GALNT13: variants seen among roughly 807,000 people sequenced by gnomAD.
GALNT13 encodes polypeptide N-acetylgalactosaminyltransferase 13.
In GALNT13, 28 loss-of-function variants were observed where a neutral mutation model predicts 64.2. That is an observed-to-expected ratio of 0.44 (90% CI 0.32 to 0.60). GALNT13 has a LOEUF of 0.60. GALNT13 is among the 20% of genes least tolerant of loss of function. GALNT13 has a pLI of 0.05. For missense variants in GALNT13, 577 were observed against 669.8 expected (o/e 0.86, Z 1.53); for synonymous variants, 214 against 224.6 (o/e 0.95, Z 0.42).
At chr2:153,783,283 C>A in the GALNT13 span, among the ~76,000 whole-genome samples, 1 of 152,158 alleles carries the variant, frequency 6.6e-6, no homozygotes, top group Admixed American at 6.5e-5. Context: ...GAGGAACCAT[C>A]AGGAAGCCAA....
chr2:153,349,108 A>G, the GALNT13 span, among the ~76,000 whole-genome samples: 2 of 152,200 alleles, frequency 1.3e-5, no homozygotes, highest in African/African-American at 4.8e-5. Context: ...ACTGTCAGGA[A>G]AAAGATGGAG....
At chr2:154,325,919 T>C (rs187210211) in intron 9 of GALNT13, among the ~76,000 whole-genome samples, 5 of 152,246 alleles carry the variant, frequency 3.3e-5, no homozygotes, top group East Asian at 1.9e-4. Context: ...TGGGAACTTA[T>C]TAGACCCACA....
At chr2:153,558,546 C>A in the GALNT13 span, among the ~76,000 whole-genome samples, 5 of 151,862 alleles carry the variant, frequency 3.3e-5, no homozygotes, top group Non-Finnish European at 7.4e-5. Flanking sequence ...GCAAATTGAG[C>A]TTTGCTGTCT....
chr2:154,291,480 C>T (rs936830545), intron 8 of GALNT13, among the ~76,000 whole-genome samples: 1 of 152,222 alleles, frequency 6.6e-6, no homozygotes, highest in Admixed American at 6.5e-5. Context: ...GCTGGCTTCA[C>T]CTCTCAATGG....
chr2:154,374,450 G>A (rs1697866889), intron 9 of GALNT13, among the ~76,000 whole-genome samples: 1 of 152,170 alleles, frequency 6.6e-6, no homozygotes, highest in Non-Finnish European at 1.5e-5. Flanking sequence ...TGAGCTGTTG[G>A]AAGAGTTAGA....
intron 3 of GALNT13, among the ~76,000 whole-genome samples, chr2:154,028,540 A>C (rs1698132605): frequency 6.6e-6 from 1 of 152,088 alleles, no homozygotes; most frequent in Non-Finnish European, 1.5e-5. Flanking sequence ...AATCTCAAAA[A>C]TACTCAGTGA....
intron 9 of GALNT13, among the ~76,000 whole-genome samples, chr2:154,383,322 A>G: frequency 6.6e-6 from 1 of 151,906 alleles, no homozygotes; most frequent in East Asian, 1.9e-4. Context: ...TCATAGTAGC[A>G]CTCAGTAAAA....
chr2:153,295,008 C>T, the GALNT13 span, among the ~76,000 whole-genome samples: 1 of 152,124 alleles, frequency 6.6e-6, no homozygotes, highest in African/African-American at 2.4e-5. Context: ...TTTAAATTTG[C>T]ATCTGAAATT....
At chr2:154,393,660 G>A (rs928459566) in intron 9 of GALNT13, among the ~76,000 whole-genome samples, 6 of 152,174 alleles carry the variant, frequency 3.9e-5, no homozygotes, top group Non-Finnish European at 7.3e-5. Context: ...GAAATGCCAG[G>A]GGGCGGCTTA....
intron 3 of GALNT13, among the ~76,000 whole-genome samples, chr2:154,100,377 T>A (rs1225303114): frequency 6.6e-6 from 1 of 152,174 alleles, no homozygotes; most frequent in Non-Finnish European, 1.5e-5. Context: ...ATCTATGATT[T>A]CTTTCAGCAG....
At chr2:153,923,442 A>G (rs1270224959) in intron 2 of GALNT13, among the ~76,000 whole-genome samples, 47 of 152,156 alleles carry the variant, frequency 3.1e-4, no homozygotes, top group Non-Finnish European at 1.2e-4. Context: ...GAATAAAATC[A>G]TACTCTACCT....
chr2:153,216,729 A>AT, the GALNT13 span, among the ~76,000 whole-genome samples: 1 of 151,910 alleles, frequency 6.6e-6, no homozygotes, highest in South Asian at 2.1e-4. Flanking sequence ...ATTTGTAAAT[A>AT]TTTTTCCAAG....
the GALNT13 span, among the ~76,000 whole-genome samples, chr2:153,858,593 G>C: frequency 1.3e-5 from 2 of 152,092 alleles, no homozygotes; most frequent in African/African-American, 4.8e-5. Flanking sequence ...TTTTATTTCA[G>C]TGTATTGTCA....
chr2:153,255,219 T>G, the GALNT13 span, among the ~76,000 whole-genome samples: 1 of 145,860 alleles, frequency 6.9e-6, no homozygotes, highest in African/African-American at 2.6e-5. Flanking sequence ...TTTACCATTA[T>G]GTAATGGCCT....
At chr2:153,808,443 G>A in the GALNT13 span, among the ~76,000 whole-genome samples, 2 of 152,024 alleles carry the variant, frequency 1.3e-5, no homozygotes, top group African/African-American at 4.8e-5. Flanking sequence ...CCTGCTTGCA[G>A]ACTAGATTTG....
At chr2:154,278,573 G>A (rs1691785247) in intron 8 of GALNT13, among the ~76,000 whole-genome samples, 1 of 152,144 alleles carries the variant, frequency 6.6e-6, no homozygotes, top group Admixed American at 6.6e-5. Context: ...TACTTTAGGG[G>A]TGGGAGAAAG....
At chr2:153,202,631 CAT>C in the GALNT13 span, among the ~76,000 whole-genome samples, 1 of 152,152 alleles carries the variant, frequency 6.6e-6, no homozygotes, top group South Asian at 2.1e-4. Context: ...GAAGCAAACA[CAT>C]ATGTAACTAT....
the GALNT13 span, among the ~76,000 whole-genome samples, chr2:153,078,803 A>G: frequency 6.6e-6 from 1 of 152,094 alleles, no homozygotes; most frequent in African/African-American, 2.4e-5. Context: ...ATTGAGTATT[A>G]TCGTAATGAA....
the GALNT13 span, among the ~76,000 whole-genome samples, chr2:153,859,433 A>C: frequency 6.6e-6 from 1 of 152,090 alleles, no homozygotes; most frequent in Non-Finnish European, 1.5e-5. Context: ...TCATAAACCA[A>C]TGAATCTCAA....
Sources: allele counts gnomAD v4.1 joint callset (sites outside exome capture counted in the v4.1 genomes callset), GRCh38; gene constraint gnomAD v4.1.1; transcripts MANE v1.5; gene names NCBI Gene and HGNC (gene_info 2026-07-23, HGNC 2026-07-21).